TGFB1: variants seen among roughly 807,000 people sequenced by gnomAD.
TGFB1 encodes transforming growth factor beta 1.
In TGFB1, 19 loss-of-function variants were observed where a neutral mutation model predicts 43.8. That is an observed-to-expected ratio of 0.43 (90% CI 0.30 to 0.64). The LOEUF (loss-of-function observed/expected upper bound fraction) is 0.64, where lower values mean the gene tolerates loss of function less well. Among genes scored for constraint, TGFB1 ranks in the 30% least tolerant of loss-of-function variants. The pLI, the probability that TGFB1 is intolerant of heterozygous loss-of-function variation, is 0.11. For synonymous variants in TGFB1, 221 were observed against 236.3 expected, an observed-to-expected ratio of 0.94 and a Z score of 0.60; for missense variants, 445 against 529.8, an observed-to-expected ratio of 0.84 and a Z score of 1.57.
chr19:41,332,611 C>T (rs535735363), intron 5 of TGFB1, among the ~76,000 whole-genome samples: 12 of 152,340 alleles, frequency 7.9e-5, no homozygotes, highest in Non-Finnish European at 1.6e-4. Flanking sequence ...AATAACACAG[C>T]TCCATGTAAA....
At position 41,353,075 on chromosome 19, in the gene TGFB1, G is replaced by T. The variant is rs1382535041; in HGVS notation, c.-31C>A. On this transcript the variant is annotated 5_prime_UTR_variant, in exon 1 of 7. Transcript: ENST00000221930. The surrounding 1 kb of genome is among the most constrained non-coding windows in gnomAD (Gnocchi z 5.9). ...AGGCGGCGCCCCCCGGCACTGCCGAGAGCGCGAACAGGGCTGGTGTGGTGG... is the reference window on the plus strand; with the variant it reads ...AGGCGGCGCCCCCCGGCACTGCCGATAGCGCGAACAGGGCTGGTGTGGTGG... The T allele has an allele frequency of 2.7e-6, 4 of 1,503,456 alleles. No individual in the cohort carries two copies. The Admixed American group carries it at 8.4e-5, about 32-fold the overall frequency. 93.1% of individuals were successfully genotyped at this position (1,503,456 alleles called of 1,614,324 possible).
Position 41,352,973 on chromosome 19 carries a change from GCCAGGCGTCAGCA to G in TGFB1, c.59_71del (p.Val20AlafsTer18). 6.5e-7 allele frequency: 1 copy of G among 1,543,408 alleles called. No homozygotes were observed. Among genetic ancestry groups the G allele is most frequent in the Non-Finnish European group, 8.7e-7 (1 of 1,148,266 alleles). ...AGGTGGATAGTCCCGCGGCCGGCCG[GCCAGGCGTCAGCA>G]CCAGTAGCCACAGCAGCGGTAGCAG... On this transcript the variant is annotated frameshift_variant, in exon 1 of 7. Coordinates refer to ENST00000221930, the MANE Select transcript of TGFB1 (RefSeq NM_000660.7). LOFTEE classifies it high-confidence loss of function.
chr19:41,337,496 C>T (rs925318040), intron 5 of TGFB1, among the ~76,000 whole-genome samples: 1 of 152,014 alleles, frequency 6.6e-6, no homozygotes, highest in Non-Finnish European at 1.5e-5. Context: ...AGGCTGGTCT[C>T]CAACTCCTGA....
At chr19:41,340,658 T>C (rs1013534258) in intron 5 of TGFB1, among the ~76,000 whole-genome samples, 2 of 152,192 alleles carry the variant, frequency 1.3e-5, no homozygotes, top group Non-Finnish European at 2.9e-5. Flanking sequence ...CATGCTGAGA[T>C]ACCAATATTC....
rs66780031 is a variant in TGFB1, at chr19:41,335,056, CT to C, written c.861-2776del. ...AAGGGGAAGAACTAGTGTCCGGAAT[CT>C]TTTTTTTTTTTTGAGATGGAGTTTC... On this transcript the variant is annotated intron_variant, in intron 5 of 6. Transcript: ENST00000221930. 2.3e-3 allele frequency among the ~76,000 whole-genome samples: 335 copies of C among 143,734 alleles called. 1 individual carries two copies. The highest frequency in any genetic ancestry group is 0.016 in the South Asian group (71 of 4,564). The allele number at this position is 143,734 out of a possible 152,430, so 94.3% of individuals were successfully genotyped here. A position where few individuals can be genotyped will look rare whatever the true frequency, so the allele number is the denominator to read the frequency against.
intron 2 of TGFB1, among the ~76,000 whole-genome samples, chr19:41,345,492 G>A (rs190233168): frequency 2.7e-4 from 41 of 152,208 alleles, no homozygotes; most frequent in Non-Finnish European, 4.6e-4. Flanking sequence ...ACGAGACTTC[G>A]TCTCAAAATA....
intron 2 of TGFB1, among the ~76,000 whole-genome samples, chr19:41,345,111 G>A (rs372776429): frequency 1.1e-4 from 16 of 152,340 alleles, no homozygotes; most frequent in African/African-American, 3.1e-4. Flanking sequence ...CTCAGCCGAA[G>A]GTGTTTTCTT....
At position 41,353,429 on chromosome 19, in the gene TGFB1, G is replaced by GA. The variant is rs2038242050; in HGVS notation, c.-386dup. Reference sequence around the variant, plus strand: ...GAGGTCTGGGGAAAAGTCTTTGCGGGAGGCCGGGTCGGCGACTCCCGAGGG... The same window carrying GA: ...GAGGTCTGGGGAAAAGTCTTTGCGGGAAGGCCGGGTCGGCGACTCCCGAGGG... On this transcript the variant is annotated 5_prime_UTR_variant, in exon 1 of 7. Transcript: ENST00000221930. This position sits in a 1 kb window ranked among gnomAD's most constrained non-coding sequence, Gnocchi z 5.9. 1 of 188,286 alleles carries GA rather than the reference G, an allele frequency of 5.3e-6. No individual in the cohort carries two copies. Among genetic ancestry groups the GA allele is most frequent in the Non-Finnish European group, 1.1e-5 (1 of 91,820 alleles). 11.7% of individuals were successfully genotyped at this position (188,286 alleles called of 1,614,324 possible).
chr19:41,347,929 C>T (rs1264131893), intron 2 of TGFB1, among the ~76,000 whole-genome samples: 2 of 150,644 alleles, frequency 1.3e-5, no homozygotes, highest in Admixed American at 6.7e-5. Flanking sequence ...GTCAGGAGAT[C>T]GAGACCATCC....
intron 5 of TGFB1, among the ~76,000 whole-genome samples, chr19:41,337,782 C>T (rs570302600): frequency 6.6e-6 from 1 of 152,310 alleles, no homozygotes; most frequent in East Asian, 1.9e-4. Context: ...TCCTCCTCAG[C>T]CTACTCAACA....
chr19:41,332,206 G>C lies in TGFB1; in HGVS notation c.936C>G (p.His312Gln), dbSNP rs767685429. 3 of 1,614,046 alleles carry C rather than the reference G, an allele frequency of 1.9e-6. No homozygotes were observed. In the South Asian group the frequency reaches 3.3e-5, roughly 18 times the overall value. ...AGTTGGCATGGTAGCCCTTGGGCTCGTGGATCCACTTCCAGCCGAGGTCCT... is the reference window on the plus strand; with the variant it reads ...AGTTGGCATGGTAGCCCTTGGGCTCCTGGATCCACTTCCAGCCGAGGTCCT... ...FRKDLGWKWIHEPKGYHANFC... is the reference protein window; with the variant it reads ...FRKDLGWKWIQEPKGYHANFC... Residue 312 changes from histidine (H) to glutamine (Q), a missense_variant, in exon 6 of 7, where the codon CAC (histidine) becomes CAG (glutamine). By Grantham distance (24) the His-to-Gln change is conservative. Transcript: ENST00000221930.
At position 41,332,191 on chromosome 19, in the gene TGFB1, G is replaced by A. The variant is rs2037940249; in HGVS notation, c.951C>T (p.Tyr317=). ...GWKWIHEPKG[Y]HANFCLGPCP... is the part of the protein sequence containing the mutation. The stretch of plus-strand genomic sequence containing the variant: ...AGGGCCCGAGGCAGAAGTTGGCATG[G>A]TAGCCCTTGGGCTCGTGGATCCACT... The change falls in exon 6 of 7, where the codon TAC becomes TAT. Residue 317 remains tyrosine, a synonymous_variant. Transcript: ENST00000221930. The A allele has an allele frequency of 6.2e-7, 1 of 1,614,168 alleles. No homozygotes were observed. The highest frequency in any genetic ancestry group is 8.5e-7 in the Non-Finnish European group (1 of 1,180,016).
chr19:41,351,448 G>T (rs927608757), intron 1 of TGFB1, among the ~76,000 whole-genome samples: 1 of 152,188 alleles, frequency 6.6e-6, no homozygotes. Flanking sequence ...CCAGGAGGGC[G>T]GGGACCAGAC....
intron 1 of TGFB1, 48 bp downstream of exon 1, chr19:41,352,642 C>T (rs970321467): frequency 1.4e-5 from 22 of 1,600,272 alleles, no homozygotes; most frequent in African/African-American, 1.3e-4. Flanking sequence ...GGCACTCCGG[C>T]GCCCCCTGGG....
At chr19:41,346,352 C>A (rs1434374378) in intron 2 of TGFB1, among the ~76,000 whole-genome samples, 2 of 152,098 alleles carry the variant, frequency 1.3e-5, no homozygotes, top group African/African-American at 4.8e-5. Context: ...CTCCATCACA[C>A]ACACACACAA....
chr19:41,350,450 G>A (rs982534825), intron 1 of TGFB1, among the ~76,000 whole-genome samples: 7 of 151,720 alleles, frequency 4.6e-5, no homozygotes, highest in Non-Finnish European at 1.0e-4. Context: ...GATTACAGGC[G>A]CCGCCCGCCA....
chr19:41,336,199 T>C (rs2037986503), intron 5 of TGFB1, among the ~76,000 whole-genome samples: 2 of 152,042 alleles, frequency 1.3e-5, no homozygotes, highest in Middle Eastern at 3.4e-3. Flanking sequence ...GGTTTCACCA[T>C]GTTGGACAGG....
rs544446808 is a variant in TGFB1, at chr19:41,334,926, G to T, written c.861-2645C>A. On this transcript the variant is annotated intron_variant, in intron 5 of 6. Transcript: ENST00000221930. ...GCCATCATGGGCAGGCTTAGGGAGG[G>T]CCATGAGTGCCTGAGATCATATGCA... Among the ~76,000 whole-genome samples, 31 of 151,662 alleles carry T rather than the reference G, an allele frequency of 2.0e-4. No individual in the cohort carries two copies. The South Asian group carries it at 5.8e-3, about 29-fold the overall frequency.
At position 41,342,390 on chromosome 19, in the gene TGFB1, C is replaced by CT. The variant is rs55678429; in HGVS notation, c.635-144dup. The CT allele has an allele frequency of 6.9e-3, 2,959 of 430,218 alleles. 2 individuals are homozygous for CT. Among genetic ancestry groups the CT allele is most frequent in the East Asian group, 0.013 (317 of 24,506 alleles). The allele number at this position is 430,218 out of a possible 1,614,324, so 26.7% of individuals were successfully genotyped here. On this transcript the variant is annotated intron_variant, in intron 3 of 6. Transcript: ENST00000221930. ...CTCTGCCCTCTCACTGCAGCTCTCT[C>CT]TTTTTTTTTTTTTTTTTTTTTTTGA...
Sources: allele counts gnomAD v4.1 joint callset (sites outside exome capture counted in the v4.1 genomes callset), GRCh38; gene constraint gnomAD v4.1.1; non-coding constraint Gnocchi (gnomAD v3.1); transcripts MANE v1.5; gene names NCBI Gene and HGNC (gene_info 2026-07-23, HGNC 2026-07-21).